The following SOX5 variants were observed in gnomAD, a reference collection of about 807,000 sequenced individuals.
SOX5 encodes SRY-box transcription factor 5, also known as transcription factor SOX-5.
In SOX5, 9 loss-of-function variants were observed where a neutral mutation model predicts 92.0. That is an observed-to-expected ratio of 0.10 (90% CI 0.06 to 0.17). The LOEUF (loss-of-function observed/expected upper bound fraction) is 0.17, where lower values mean the gene tolerates loss of function less well. SOX5 is among the 10% of genes least tolerant of loss of function. SOX5 has a pLI of 1.00. For missense variants in SOX5, 642 were observed against 944.5 expected, an observed-to-expected ratio of 0.68 and a Z score of 4.20; for synonymous variants, 344 against 336.3, an observed-to-expected ratio of 1.02 and a Z score of -0.25.
chr12:23,760,702 T>C (rs1245935942), intron 3 of SOX5, among the ~76,000 whole-genome samples: 1 of 152,042 alleles, frequency 6.6e-6, no homozygotes, highest in East Asian at 1.9e-4. Context: ...CCTTTTTCCC[T>C]TCAGTGCCAA....
intron 2 of SOX5, among the ~76,000 whole-genome samples, chr12:23,881,900 A>G (rs2096995732): frequency 6.6e-6 from 1 of 152,194 alleles, no homozygotes; most frequent in Non-Finnish European, 1.5e-5. Flanking sequence ...TATCTATGTA[A>G]AACAAAAATA....
intron 1 of SOX5, among the ~76,000 whole-genome samples, chr12:24,419,408 G>A (rs1965566042): frequency 6.6e-6 from 1 of 152,184 alleles, no homozygotes; most frequent in Non-Finnish European, 1.5e-5. Context: ...CCAATGTGCT[G>A]TGATTACAGG....
intron 4 of SOX5, among the ~76,000 whole-genome samples, chr12:24,157,048 T>G (rs1309314679): frequency 2.0e-5 from 3 of 152,074 alleles, no homozygotes; most frequent in Non-Finnish European, 4.4e-5. Flanking sequence ...TCTAATGATA[T>G]TTTACTTTCT....
intron 3 of SOX5, among the ~76,000 whole-genome samples, chr12:23,785,217 G>C (rs1422848616): frequency 9.2e-5 from 14 of 152,106 alleles, no homozygotes; most frequent in Non-Finnish European, 1.5e-4. Context: ...AATTTTATAA[G>C]AGGTGACTGT....
chr12:24,490,163 A>G (rs75546722), intron 1 of SOX5, among the ~76,000 whole-genome samples: 2 of 152,206 alleles, frequency 1.3e-5, no homozygotes, highest in Non-Finnish European at 2.9e-5. Context: ...GAGAGGAGAG[A>G]CCATTTGTTC....
chr12:24,166,198 A>G (rs1399300992), intron 4 of SOX5, among the ~76,000 whole-genome samples: 1 of 152,144 alleles, frequency 6.6e-6, no homozygotes, highest in Non-Finnish European at 1.5e-5. Flanking sequence ...TGTAAGTAAG[A>G]GATGGAAAAT....
intron 1 of SOX5, among the ~76,000 whole-genome samples, chr12:23,941,693 T>C (rs1943674258): frequency 6.6e-6 from 1 of 151,554 alleles, no homozygotes; most frequent in African/African-American, 2.4e-5. Flanking sequence ...AATCTGATAT[T>C]TTATATTCAG....
chr12:23,810,037 CTGAG>C (rs2095850135), intron 3 of SOX5, among the ~76,000 whole-genome samples: 2 of 152,080 alleles, frequency 1.3e-5, no homozygotes, highest in South Asian at 2.1e-4. Context: ...AAACATCCTA[CTGAG>C]TATTTTCGTG....
chr12:23,690,156 C>G (rs984490647), intron 6 of SOX5, among the ~76,000 whole-genome samples: 1 of 152,114 alleles, frequency 6.6e-6, no homozygotes. Flanking sequence ...TTATTCATGC[C>G]CCTTGTCTCT....
chr12:23,926,282 G>C (rs1327792419), intron 1 of SOX5, among the ~76,000 whole-genome samples: 1 of 152,058 alleles, frequency 6.6e-6, no homozygotes, highest in East Asian at 1.9e-4. Flanking sequence ...TTAGGGGTAA[G>C]CTACATGAAA....
chr12:24,378,173 G>A (rs528292276), intron 1 of SOX5, among the ~76,000 whole-genome samples: 13 of 152,228 alleles, frequency 8.5e-5, no homozygotes, highest in South Asian at 6.2e-4. Context: ...GTCAAATTTC[G>A]TCTTTGTGTC....
chr12:24,010,765 T>A (rs923466286), intron 4 of SOX5, among the ~76,000 whole-genome samples: 1 of 151,438 alleles, frequency 6.6e-6, no homozygotes, highest in Non-Finnish European at 1.5e-5. Flanking sequence ...CAAAACCCCA[T>A]CTCTACTAAA....
rs867516658 is a variant in SOX5 at position 23,726,176 on chromosome 12, G to A, written c.810+8508C>T. On this transcript the variant is annotated intron_variant, in intron 6 of 14. Coordinates refer to ENST00000451604, the MANE Select transcript of SOX5 (RefSeq NM_006940.6). ...GAGAGAGAGAGAGAGAGAGAGAGAG[G>A]TCAGTTTCTCACTGTTTGTAAGTTA... 3.0e-3 allele frequency among the ~76,000 whole-genome samples: 217 copies of A among 73,060 alleles called. 1 individual carries two copies. The highest frequency in any genetic ancestry group is 6.2e-3 in the South Asian group (13 of 2,096). The allele number at this position is 73,060 out of a possible 152,430, so 47.9% of individuals were successfully genotyped here.
chr12:23,637,100 GGAAAA>G (rs1288906481), intron 8 of SOX5, among the ~76,000 whole-genome samples: 1 of 152,066 alleles, frequency 6.6e-6, no homozygotes, highest in Non-Finnish European at 1.5e-5. Context: ...TTGCACCCAA[GGAAAA>G]GAAAACAGGA....
At chr12:23,890,674 G>A (rs2097121846) in intron 2 of SOX5, among the ~76,000 whole-genome samples, 1 of 152,082 alleles carries the variant, frequency 6.6e-6, no homozygotes, top group East Asian at 1.9e-4. Context: ...TGATTGACAT[G>A]AGGACGCATT....
At chr12:24,308,901 G>A (rs1948885891) in intron 2 of SOX5, among the ~76,000 whole-genome samples, 1 of 152,066 alleles carries the variant, frequency 6.6e-6, no homozygotes, top group African/African-American at 2.4e-5. Context: ...GCTCTACAGA[G>A]ACACAGAAAA....
In SOX5 at chr12:24,415,422, GT is replaced by G. The variant is rs564726315; in HGVS notation, c.-250-46784del. Among the ~76,000 whole-genome samples the G allele has an allele frequency of 4.6e-3, 700 of 151,990 alleles. 7 individuals are homozygous for G. The highest frequency in any genetic ancestry group is 0.014 in the African/African-American group (587 of 41,452). On this transcript the variant is annotated intron_variant, in intron 1 of 4. Coordinates refer to the SOX5 transcript ENST00000446891. ...GAATAAAAGCACATAATATTTTAAT[GT>G]TTTTTTTATACACATAAAGCCATTA...
intron 1 of SOX5, among the ~76,000 whole-genome samples, chr12:24,496,668 A>G (rs554896072): frequency 6.6e-6 from 1 of 152,262 alleles, no homozygotes; most frequent in South Asian, 2.1e-4. Flanking sequence ...ACAATAAACC[A>G]CACCCTCAAT....
intron 3 of SOX5, among the ~76,000 whole-genome samples, chr12:24,254,782 A>G (rs1243170650): frequency 6.6e-6 from 1 of 151,660 alleles, no homozygotes; most frequent in Non-Finnish European, 1.5e-5. Context: ...AGTGTTTAAC[A>G]TATTTTAATG....
Sources: gnomAD v4.1 joint callset for allele counts (sites outside exome capture counted in the v4.1 genomes callset) on GRCh38, gnomAD v4.1.1 for gene constraint, MANE v1.5 for transcripts, NCBI Gene and HGNC (gene_info 2026-07-23, HGNC 2026-07-21) for gene names.